Variants in PACRG observed in about 807,000 individuals in gnomAD.
PACRG encodes the protein parkin coregulated, also known as parkin coregulated gene protein.
A neutral mutation model predicts 29.7 loss-of-function variants in PACRG; 29 were observed. The observed-to-expected ratio is 0.98, with a 90% CI of 0.73 to 1.33. PACRG has a LOEUF of 1.33. Ranked by LOEUF, PACRG falls within the 40% of genes most tolerant of loss-of-function variation. The probability of loss-of-function intolerance (pLI) is 0.00; values close to 1 mark genes in which losing one functional copy is unlikely to be tolerated. For synonymous variants in PACRG, 116 were observed against 118.7 expected, an observed-to-expected ratio of 0.98 and a Z score of 0.15; for missense variants, 279 against 316.2, an observed-to-expected ratio of 0.88 and a Z score of 0.89.
intron 4 of PACRG, chr6:163,183,525 A>G (rs1344143698): frequency 6.6e-6 from 1 of 152,074 alleles, no homozygotes; most frequent in Admixed American, 6.6e-5. Context: ...AGCTCTTCCC[A>G]TCAGTGGGAA....
chr6:162,850,937 G>T (rs575451224), intron 2 of PACRG, among the ~76,000 whole-genome samples: 1 of 152,312 alleles, frequency 6.6e-6, no homozygotes, highest in African/African-American at 2.4e-5. Context: ...CCAAGGGATC[G>T]GATGCCATCT....
intron 4 of PACRG, among the ~76,000 whole-genome samples, chr6:163,302,369 A>G (rs1272429745): frequency 6.6e-6 from 1 of 152,040 alleles, no homozygotes; most frequent in Non-Finnish European, 1.5e-5. Context: ...CTGCATTAAT[A>G]CACTTGGGGC....
chr6:162,778,565 TTTATG>T (rs1209157526), intron 1 of PACRG, among the ~76,000 whole-genome samples: 36 of 152,312 alleles, frequency 2.4e-4, no homozygotes, highest in Non-Finnish European at 1.5e-5. Flanking sequence ...ATTTTTTACC[TTTATG>T]TACTCACTCA....
At chr6:162,972,649 T>G (rs1801629741) in intron 2 of PACRG, among the ~76,000 whole-genome samples, 6 of 152,158 alleles carry the variant, frequency 3.9e-5, no homozygotes, top group Admixed American at 3.3e-4. Context: ...CAGCACTCAT[T>G]GAAGTGAAAG....
At chr6:162,965,874 G>A (rs1020803843) in intron 2 of PACRG, among the ~76,000 whole-genome samples, 1 of 152,216 alleles carries the variant, frequency 6.6e-6, no homozygotes, top group Non-Finnish European at 1.5e-5. Context: ...AGCAGCTGAT[G>A]AGAATAAGGA....
intron 2 of PACRG, among the ~76,000 whole-genome samples, chr6:162,974,159 A>T (rs1245366341): frequency 6.6e-6 from 1 of 151,974 alleles, no homozygotes; most frequent in African/African-American, 2.4e-5. Flanking sequence ...GGCTCGCTCA[A>T]GTATTTCAGT....
intron 4 of PACRG, among the ~76,000 whole-genome samples, chr6:163,215,849 T>C (rs1406078114): frequency 2.0e-5 from 3 of 152,034 alleles, no homozygotes; most frequent in Non-Finnish European, 2.9e-5. Context: ...AAAGGACAAA[T>C]AGACAAATAC....
chr6:163,127,532 T>C (rs1470687934), intron 4 of PACRG, among the ~76,000 whole-genome samples: 1 of 152,064 alleles, frequency 6.6e-6, no homozygotes, highest in Non-Finnish European at 1.5e-5. Context: ...CATTCACTAT[T>C]GTTAAATAAG....
chr6:163,041,541 C>T (rs949544489), intron 2 of PACRG, among the ~76,000 whole-genome samples: 13 of 152,128 alleles, frequency 8.5e-5, no homozygotes, highest in Admixed American at 6.5e-4. Context: ...TCCCCTTAGC[C>T]TTCTGCCATG....
chr6:163,236,533 T>G (rs1056846170), intron 4 of PACRG, among the ~76,000 whole-genome samples: 15 of 152,098 alleles, frequency 9.9e-5, no homozygotes, highest in African/African-American at 3.6e-4. Context: ...CATCTCATTT[T>G]AGAACTCTGA....
chr6:162,875,489 C>T (rs763482406), intron 2 of PACRG, among the ~76,000 whole-genome samples: 2 of 152,240 alleles, frequency 1.3e-5, no homozygotes, highest in East Asian at 1.9e-4. Context: ...CCTTCACCTG[C>T]ACCATCTGTG....
chr6:163,158,374 C>T (rs76664015), intron 4 of PACRG, among the ~76,000 whole-genome samples: 6 of 152,128 alleles, frequency 3.9e-5, no homozygotes, highest in Admixed American at 3.9e-4. Context: ...AACCACGAAA[C>T]CTCTTTCACC....
At chr6:163,132,849 T>G (rs1562932872) in intron 4 of PACRG, among the ~76,000 whole-genome samples, 1 of 152,168 alleles carries the variant, frequency 6.6e-6, no homozygotes, top group Non-Finnish European at 1.5e-5. Flanking sequence ...TAACATCAAT[T>G]GGATGTGCAC....
intron 4 of PACRG, among the ~76,000 whole-genome samples, chr6:163,234,525 G>A (rs1303328239): frequency 2.0e-5 from 3 of 152,152 alleles, no homozygotes; most frequent in Non-Finnish European, 2.9e-5. Flanking sequence ...AGAGCCATGA[G>A]CCAAGATAAA....
At chr6:163,059,089 A>C in intron 2 of PACRG, among the ~76,000 whole-genome samples, 1 of 152,038 alleles carries the variant, frequency 6.6e-6, no homozygotes, top group East Asian at 1.9e-4. Flanking sequence ...CAAAAAAAAA[A>C]AAAAAAGTTA....
At chr6:162,947,386 AATC>A (rs1461708139) in intron 2 of PACRG, among the ~76,000 whole-genome samples, 3 of 36,722 alleles carry the variant, frequency 8.2e-5, no homozygotes, top group African/African-American at 2.0e-4. Flanking sequence ...TCATATATAT[AATC>A]ATATATAATA....
At chr6:163,109,158 G>A (rs1449299597) in intron 4 of PACRG, among the ~76,000 whole-genome samples, 1 of 152,218 alleles carries the variant, frequency 6.6e-6, no homozygotes, top group Non-Finnish European at 1.5e-5. Flanking sequence ...GAAAACTTGT[G>A]ATTGAAAGTA....
chr6:163,010,559 G>C (rs1297789416), intron 2 of PACRG, among the ~76,000 whole-genome samples: 1 of 152,124 alleles, frequency 6.6e-6, no homozygotes, highest in African/African-American at 2.4e-5. Context: ...CCTAGCAACT[G>C]TTATCCTACC....
At chr6:162,852,001 G>GGAAGGAAGGAAAGGA (rs1554291923) in intron 2 of PACRG, among the ~76,000 whole-genome samples, 6 of 100,002 alleles carry the variant, frequency 6.0e-5, no homozygotes, top group African/African-American at 2.3e-4. Context: ...GGGAGGGAGG[G>GGAAGGAAGGAAAGGA]AGGGAGGAAG....
Sources: gnomAD v4.1 joint callset for allele counts (sites outside exome capture counted in the v4.1 genomes callset) on GRCh38, gnomAD v4.1.1 for gene constraint, MANE v1.5 for transcripts, NCBI Gene and HGNC (gene_info 2026-07-23, HGNC 2026-07-21) for gene names.